The following MACROD2 variants were observed in gnomAD, a reference collection of about 807,000 sequenced individuals.
MACROD2 encodes mono-ADP ribosylhydrolase 2.
Under a neutral mutation model 70.4 loss-of-function variants are expected in MACROD2, and 36 were observed. The ratio of observed to expected loss-of-function variants is 0.51; its 90% confidence interval spans 0.39 to 0.68. The LOEUF (loss-of-function observed/expected upper bound fraction) is 0.68. Ranked by LOEUF, MACROD2 falls within the 30% of genes least tolerant of loss-of-function variation. The pLI, the probability that MACROD2 is intolerant of heterozygous loss-of-function variation, is 0.00. For synonymous variants in MACROD2, 172 were observed against 178.8 expected, an observed-to-expected ratio of 0.96 and a Z score of 0.30; for missense variants, 496 against 538.4, an observed-to-expected ratio of 0.92 and a Z score of 0.78.
intron 5 of MACROD2, among the ~76,000 whole-genome samples, chr20:14,745,525 G>C (rs2071789228): frequency 6.6e-6 from 1 of 152,164 alleles, no homozygotes; most frequent in East Asian, 1.9e-4. Flanking sequence ...TAAGGCTATG[G>C]CTGTGGATAT....
intron 5 of MACROD2, among the ~76,000 whole-genome samples, chr20:14,797,381 C>T (rs193105875): frequency 6.6e-6 from 1 of 152,098 alleles, no homozygotes; most frequent in East Asian, 1.9e-4. Flanking sequence ...CATGATCTGG[C>T]TCCTGCAGTT....
intron 5 of MACROD2, among the ~76,000 whole-genome samples, chr20:15,104,499 A>G (rs569638019): frequency 2.5e-4 from 38 of 152,312 alleles, no homozygotes; most frequent in South Asian, 2.3e-3. Flanking sequence ...CTGCAAAAAG[A>G]TGGAATGGAA....
intron 8 of MACROD2, among the ~76,000 whole-genome samples, chr20:15,551,868 CAAA>C (rs5840671): frequency 6.2e-4 from 75 of 121,786 alleles, no homozygotes; most frequent in African/African-American, 1.8e-3. Flanking sequence ...GACCCTGCCT[CAAA>C]AAAAAAAAAA....
intron 6 of MACROD2, among the ~76,000 whole-genome samples, chr20:15,353,676 A>T (rs1336783526): frequency 6.7e-6 from 1 of 149,374 alleles, no homozygotes; most frequent in East Asian, 2.0e-4. Context: ...AACCCCATCA[A>T]AAAGTGGGCA....
intron 4 of MACROD2, among the ~76,000 whole-genome samples, chr20:14,644,201 A>G (rs1167418243): frequency 1.3e-5 from 2 of 152,190 alleles, no homozygotes; most frequent in Non-Finnish European, 2.9e-5. Context: ...CTAGAAAGTG[A>G]TGTTTCATCA....
chr20:14,394,761 T>C (rs1289489680), intron 3 of MACROD2, among the ~76,000 whole-genome samples: 1 of 152,204 alleles, frequency 6.6e-6, no homozygotes, highest in African/African-American at 2.4e-5. Flanking sequence ...GTGCCTATTA[T>C]TCCAAGTTTG....
intron 5 of MACROD2, among the ~76,000 whole-genome samples, chr20:14,822,822 C>T (rs1238119802): frequency 1.3e-5 from 2 of 152,052 alleles, no homozygotes. Flanking sequence ...GTTCATCTCC[C>T]ATCCATGTCA....
intron 8 of MACROD2, among the ~76,000 whole-genome samples, chr20:15,505,958 G>A (rs1281848818): frequency 6.6e-6 from 1 of 152,124 alleles, no homozygotes; most frequent in Admixed American, 6.5e-5. Context: ...AGTTTACTCT[G>A]TGCCTTCGGA....
At chr20:15,242,136 A>G (rs2077065597) in intron 6 of MACROD2, among the ~76,000 whole-genome samples, 1 of 152,232 alleles carries the variant, frequency 6.6e-6, no homozygotes, top group South Asian at 2.1e-4. Context: ...GAAAGACACT[A>G]CATCACTGCT....
At chr20:15,917,395 G>A (rs1191348131) in intron 10 of MACROD2, among the ~76,000 whole-genome samples, 6 of 152,108 alleles carry the variant, frequency 3.9e-5, no homozygotes, top group African/African-American at 7.2e-5. Flanking sequence ...TTCATATTGC[G>A]TTTCTATGCC....
chr20:14,996,884 A>T (rs1316575472), intron 5 of MACROD2, among the ~76,000 whole-genome samples: 1 of 152,204 alleles, frequency 6.6e-6, no homozygotes, highest in Admixed American at 6.5e-5. Flanking sequence ...GAAGTGCTCC[A>T]TTGTAGTCCT....
intron 5 of MACROD2, among the ~76,000 whole-genome samples, chr20:14,882,696 C>A (rs777184391): frequency 6.6e-6 from 1 of 152,046 alleles, no homozygotes; most frequent in Non-Finnish European, 1.5e-5. Flanking sequence ...GCGTTCAGAC[C>A]GTTAAGTTGA....
chr20:15,838,825 G>A (rs991079906), intron 8 of MACROD2, among the ~76,000 whole-genome samples: 1 of 152,106 alleles, frequency 6.6e-6, no homozygotes, highest in African/African-American at 2.4e-5. Flanking sequence ...GCAACTGTAA[G>A]CTTGTAGTCT....
intron 8 of MACROD2, among the ~76,000 whole-genome samples, chr20:15,505,674 C>T (rs1264988515): frequency 6.6e-6 from 1 of 152,126 alleles, no homozygotes; most frequent in Non-Finnish European, 1.5e-5. Flanking sequence ...TTGCTCTGGG[C>T]TGGGGACAAT....
chr20:14,742,563 C>G (rs1457316476), intron 5 of MACROD2, among the ~76,000 whole-genome samples: 2 of 150,836 alleles, frequency 1.3e-5, no homozygotes, highest in African/African-American at 4.9e-5. Flanking sequence ...TTCAGCTGTA[C>G]TAGTAAAATT....
At chr20:14,307,988 G>C (rs1363615184) in intron 3 of MACROD2, among the ~76,000 whole-genome samples, 1 of 152,138 alleles carries the variant, frequency 6.6e-6, no homozygotes, top group Admixed American at 6.6e-5. Context: ...TAAAAATTGT[G>C]AGTGTTACAT....
At chr20:15,248,600 T>A (rs1452520686) in intron 6 of MACROD2, among the ~76,000 whole-genome samples, 2 of 152,156 alleles carry the variant, frequency 1.3e-5, no homozygotes, top group Non-Finnish European at 2.9e-5. Flanking sequence ...TCTGTCTTGA[T>A]CTCCATTACT....
chr20:14,244,835 C>T (rs1275848021), intron 3 of MACROD2, among the ~76,000 whole-genome samples: 1 of 152,126 alleles, frequency 6.6e-6, no homozygotes, highest in Non-Finnish European at 1.5e-5. Context: ...ATAACCCTGA[C>T]CTTTTAGGAA....
chr20:14,472,111 T>A (rs1476676618), intron 3 of MACROD2, among the ~76,000 whole-genome samples: 1 of 152,132 alleles, frequency 6.6e-6, no homozygotes, highest in Non-Finnish European at 1.5e-5. Context: ...GTTGAATAAA[T>A]TTCTTCCTTA....
Sources: allele counts gnomAD v4.1 joint callset (sites outside exome capture counted in the v4.1 genomes callset), GRCh38; gene constraint gnomAD v4.1.1; transcripts MANE v1.5; gene names NCBI Gene and HGNC (gene_info 2026-07-23, HGNC 2026-07-21).